The following NR3C2 variants were observed in gnomAD, a reference collection of about 807,000 sequenced individuals.
NR3C2 encodes the protein mineralocorticoid receptor.
A neutral mutation model predicts 86.4 loss-of-function variants in NR3C2; 15 were observed. That is an observed-to-expected ratio of 0.17 (90% CI 0.12 to 0.27). NR3C2 has a LOEUF of 0.27. Among genes scored for constraint, NR3C2 ranks in the 10% least tolerant of loss-of-function variants. The pLI is 1.00. For synonymous variants in NR3C2, 458 were observed against 450.5 expected (o/e 1.02, Z -0.21); for missense variants, 960 against 1,195.6 (o/e 0.80, Z 2.91).
chr4:148,273,855 G>C (rs1740817604), intron 2 of NR3C2, among the ~76,000 whole-genome samples: 2 of 152,330 alleles, frequency 1.3e-5, no homozygotes, highest in South Asian at 4.1e-4. Context: ...CAGAATCACG[G>C]TGATCCTGCA....
intron 6 of NR3C2, among the ~76,000 whole-genome samples, chr4:148,137,907 G>A (rs1733420166): frequency 6.6e-6 from 1 of 152,088 alleles, no homozygotes; most frequent in South Asian, 2.1e-4. Flanking sequence ...TTTGAAAAAA[G>A]TTCTTTTTCA....
At chr4:148,270,349 C>T (rs931677151) in intron 2 of NR3C2, among the ~76,000 whole-genome samples, 20 of 152,294 alleles carry the variant, frequency 1.3e-4, no homozygotes, top group Non-Finnish European at 1.8e-4. Context: ...GGTCCACTTG[C>T]ACCCTCTCTT....
At chr4:148,146,633 TAG>T (rs1344021402) in intron 6 of NR3C2, 1 of 152,226 alleles carries the variant, frequency 6.6e-6, no homozygotes, top group Non-Finnish European at 1.5e-5. Context: ...CTCACACAAC[TAG>T]TGCTTCAGAC....
At position 148,438,531 on chromosome 4, in the gene NR3C2, A is replaced by T. The variant is rs149918530; in HGVS notation, c.-2-1669T>A. Among the ~76,000 whole-genome samples, 283 of 152,224 alleles carry T rather than the reference A, an allele frequency of 1.9e-3. 3 individuals are homozygous for T. The East Asian group carries it at 0.021, about 11-fold the overall frequency. On this transcript the variant is annotated intron_variant, in intron 1 of 8. Transcript: ENST00000358102. The stretch of plus-strand genomic sequence containing the variant: ...AGATGCTGTTTCTGCCATTCTATAC[A>T]CAAGTTTTATTTTTGGCCTCTCATC...
At chr4:148,140,483 G>A (rs545328260) in intron 6 of NR3C2, among the ~76,000 whole-genome samples, 101 of 152,266 alleles carry the variant, frequency 6.6e-4, no homozygotes, top group African/African-American at 2.3e-3. Context: ...GCAGTGAGCC[G>A]TTGTGCTACT....
At position 148,164,527 on chromosome 4, in the gene NR3C2, A is replaced by T. The variant is rs565622262; in HGVS notation, c.2015-9626T>A. On this transcript the variant is annotated intron_variant, in intron 4 of 8. Transcript: ENST00000358102. The stretch of plus-strand genomic sequence containing the variant: ...TGATGTATGTGCATGTGTAAAACAA[A>T]CAAGCAAAAAAGAAAACCTCTAAGT... 2.0e-5 allele frequency among the ~76,000 whole-genome samples: 3 copies of T among 152,332 alleles called. No homozygotes were observed. In the South Asian group the frequency reaches 6.2e-4, roughly 32 times the overall value.
intron 8 of NR3C2, among the ~76,000 whole-genome samples, chr4:148,085,500 G>A (rs1376253045): frequency 3.3e-5 from 5 of 152,230 alleles, no homozygotes; most frequent in Non-Finnish European, 7.3e-5. Context: ...GCAGTGTTCA[G>A]ACGGAAATTT....
intron 6 of NR3C2, among the ~76,000 whole-genome samples, chr4:148,148,010 ATT>A (rs1733946031): frequency 6.6e-6 from 1 of 151,716 alleles, no homozygotes. Context: ...CGAGTTCAAC[ATT>A]TTTAACTTTA....
At chr4:148,324,848 T>G (rs1743872678) in intron 2 of NR3C2, among the ~76,000 whole-genome samples, 1 of 152,240 alleles carries the variant, frequency 6.6e-6, no homozygotes, top group Non-Finnish European at 1.5e-5. Context: ...TCATCCTGCC[T>G]GCCTTAACAA....
intron 2 of NR3C2, among the ~76,000 whole-genome samples, chr4:148,276,346 T>A (rs1054934513): frequency 6.6e-6 from 1 of 152,174 alleles, no homozygotes; most frequent in African/African-American, 2.4e-5. Context: ...GTTATTTATA[T>A]ACCTACAACT....
rs1335596483 is a variant in NR3C2 at position 148,261,533 on chromosome 4, G to A, written c.1758-1416C>T. 5.9e-5 allele frequency among the ~76,000 whole-genome samples: 9 copies of A among 152,316 alleles called. No individual in the cohort carries two copies. The South Asian group carries it at 1.7e-3, about 28-fold the overall frequency. On this transcript the variant is annotated intron_variant, in intron 2 of 8. Transcript: ENST00000358102. ...ATAAAGGAATTACAAAACACTTCCCGAAATGTGACAGCTAACCTGAGTTTT... is the reference window on the plus strand; with the variant it reads ...ATAAAGGAATTACAAAACACTTCCCAAAATGTGACAGCTAACCTGAGTTTT...
chr4:148,366,480 T>TTTTAAAAAGAATA (rs1561066887), intron 2 of NR3C2, among the ~76,000 whole-genome samples: 23 of 19,182 alleles, frequency 1.2e-3, no homozygotes, highest in African/African-American at 2.9e-3. Context: ...TAAAAAGTAC[T>TTTTAAAAAGAATA]CAGCACTTTT....
chr4:148,358,646 AT>A (rs1745686743), intron 2 of NR3C2, among the ~76,000 whole-genome samples: 1 of 141,906 alleles, frequency 7.0e-6, no homozygotes, highest in Non-Finnish European at 1.6e-5. Flanking sequence ...AAAAAAAAAA[AT>A]AAAATGCCAT....
chr4:148,181,627 C>A (rs1246383073), intron 4 of NR3C2, among the ~76,000 whole-genome samples: 2 of 152,226 alleles, frequency 1.3e-5, no homozygotes, highest in African/African-American at 4.8e-5. Flanking sequence ...AAAAAAGCTA[C>A]ACAAAGCAGA....
intron 3 of NR3C2, among the ~76,000 whole-genome samples, chr4:148,259,268 T>A (rs1230475477): frequency 6.6e-6 from 1 of 152,184 alleles, no homozygotes; most frequent in Non-Finnish European, 1.5e-5. Flanking sequence ...CAGACATAGT[T>A]TGCAACATCA....
At chr4:148,196,580 C>A (rs538532698) in intron 3 of NR3C2, among the ~76,000 whole-genome samples, 1 of 151,988 alleles carries the variant, frequency 6.6e-6, no homozygotes, top group Admixed American at 6.6e-5. Flanking sequence ...CCATCATGTT[C>A]CCTTGATTTA....
chr4:148,293,112 GTC>G (rs2149910626), intron 2 of NR3C2, among the ~76,000 whole-genome samples: 1 of 152,244 alleles, frequency 6.6e-6, no homozygotes, highest in South Asian at 2.1e-4. Flanking sequence ...GCAAGCATTT[GTC>G]TCTTTTTAAC....
intron 2 of NR3C2, among the ~76,000 whole-genome samples, chr4:148,428,477 A>T (rs1350045060): frequency 6.6e-6 from 1 of 152,174 alleles, no homozygotes; most frequent in Non-Finnish European, 1.5e-5. Flanking sequence ...TCTGAACTGG[A>T]TCCTTTTGCT....
chr4:148,167,495 A>G (rs2086464711), intron 4 of NR3C2, among the ~76,000 whole-genome samples: 1 of 152,146 alleles, frequency 6.6e-6, no homozygotes, highest in Admixed American at 6.5e-5. Context: ...ATAGTCAGAT[A>G]TTCTCCCTTC....
Sources: allele counts gnomAD v4.1 joint callset (sites outside exome capture counted in the v4.1 genomes callset), GRCh38; gene constraint gnomAD v4.1.1; transcripts MANE v1.5; gene names NCBI Gene and HGNC (gene_info 2026-07-23, HGNC 2026-07-21).